The following USP6NL variants were observed in gnomAD, a reference collection of about 807,000 sequenced individuals.
USP6NL encodes USP6 N-terminal-like protein.
A neutral mutation model predicts 61.9 loss-of-function variants in USP6NL; 26 were observed. The ratio of observed to expected loss-of-function variants is 0.42; its 90% CI spans 0.31 to 0.58. USP6NL has a LOEUF of 0.58. Ranked by LOEUF, USP6NL falls within the 20% of genes least tolerant of loss-of-function variation. The probability of loss-of-function intolerance (pLI) is 0.16; values close to 1 mark genes in which losing one functional copy is unlikely to be tolerated. For missense variants in USP6NL, 1,114 were observed against 1,034.3 expected, an observed-to-expected ratio of 1.08 and a Z score of -1.06; for synonymous variants, 432 against 390.1, an observed-to-expected ratio of 1.11 and a Z score of -1.27.
Position 11,518,962 on chromosome 10 carries a change from C to T in USP6NL, c.156-388G>A, listed in dbSNP as rs907807310. The stretch of plus-strand genomic sequence containing the variant: ...ATTTCCATCACTGCAGAAAGGTCCA[C>T]TGGACAGCACTGCTCCAGACTAGGA... On this transcript the variant is annotated intron_variant, in intron 4 of 14. Coordinates refer to ENST00000609104, the MANE Select transcript of USP6NL (RefSeq NM_014688.5). This position sits in a 1 kb window ranked among gnomAD's most constrained non-coding sequence, Gnocchi z 5.3. Among the ~76,000 whole-genome samples the T allele has an allele frequency of 6.6e-6, 1 of 152,234 alleles. No homozygotes were observed. The highest frequency in any genetic ancestry group is 2.4e-5 in the African/African-American group (1 of 41,462).
chr10:11,503,309 A>G (rs1283611186), intron 6 of USP6NL, among the ~76,000 whole-genome samples: 1 of 152,192 alleles, frequency 6.6e-6, no homozygotes, highest in African/African-American at 2.4e-5. Flanking sequence ...CTTAAGCTAT[A>G]TTACTTGAAA....
chr10:11,467,533 G>T (rs761133869), intron 14 of USP6NL, among the ~76,000 whole-genome samples: 1 of 152,162 alleles, frequency 6.6e-6, no homozygotes, highest in African/African-American at 2.4e-5. Context: ...CAGCATAGAG[G>T]ATTTGTGAAA....
chr10:11,496,312 G>T lies in USP6NL; in HGVS notation c.385-3084C>A, dbSNP rs1833922187. On this transcript the variant is annotated intron_variant, in intron 7 of 14. Coordinates refer to ENST00000609104, the MANE Select transcript of USP6NL (RefSeq NM_014688.5). This position sits in a 1 kb window ranked among gnomAD's most constrained non-coding sequence, Gnocchi z 5.4. Reference sequence around the variant, plus strand: ...TCCACTTCCAGAGGTTCCTGCAGTTGGCAATTACCAAGCCTTACGGAGATT... The same window carrying T: ...TCCACTTCCAGAGGTTCCTGCAGTTTGCAATTACCAAGCCTTACGGAGATT... 6.6e-6 allele frequency among the ~76,000 whole-genome samples: 1 copy of T among 152,192 alleles called. No individual in the cohort carries two copies. The highest frequency in any genetic ancestry group is 2.1e-4 in the South Asian group (1 of 4,830).
At chr10:11,486,292 AATAT>A (rs1173925451) in intron 10 of USP6NL, among the ~76,000 whole-genome samples, 2 of 152,026 alleles carry the variant, frequency 1.3e-5, no homozygotes, top group African/African-American at 4.8e-5. Context: ...TTTTACTCTT[AATAT>A]GTTAAATAAC....
Position 11,528,153 on chromosome 10 carries a change from A to ACACC in USP6NL, c.5-587_5-586insGGTG, listed in dbSNP as rs1555168202. ...GACACACACACACACACACACACAC[A>ACACC]CACACACCCTTCATCCTTATTAACA... On this transcript the variant is annotated intron_variant, in intron 2 of 14. Transcript: ENST00000609104. This position sits in a 1 kb window ranked among gnomAD's most constrained non-coding sequence, Gnocchi z 4.6. Among the ~76,000 whole-genome samples the ACACC allele has an allele frequency of 3.6e-4, 54 of 151,984 alleles. No homozygotes were observed. Among genetic ancestry groups the ACACC allele is most frequent in the African/African-American group, 1.3e-3 (53 of 41,462 alleles).
chr10:11,480,047 C>A (rs541886516), intron 14 of USP6NL, among the ~76,000 whole-genome samples: 28 of 152,300 alleles, frequency 1.8e-4, no homozygotes, highest in African/African-American at 6.7e-4. Context: ...TCCATTCTAC[C>A]TTCACTGCCA....
In USP6NL at chr10:11,463,785, G is replaced by A. The variant is rs1832306046; in HGVS notation, c.1143C>T (p.Gly381=). Residue 381 remains glycine (G), a synonymous_variant, in exon 15 of 15, where the codon GGC becomes GGT. Transcript: ENST00000609104. This position sits in a 1 kb window ranked among gnomAD's most constrained non-coding sequence, Gnocchi z 6.3. ...TCTGTCCGTTGCTCAAGTGATGGACGCCCCAAGACTGAAGTTCAGGTGGAA... is the reference window on the plus strand; with the variant it reads ...TCTGTCCGTTGCTCAAGTGATGGACACCCCAAGACTGAAGTTCAGGTGGAA... ...GQLPPELQSW[G]VHHLSNGQRS... is the part of the protein sequence containing the mutation. The A allele has an allele frequency of 4.6e-6, 7 of 1,509,970 alleles. No individual in the cohort carries two copies. The highest frequency in any genetic ancestry group is 1.3e-5 in the South Asian group (1 of 75,320). 93.5% of individuals were successfully genotyped at this position (1,509,970 alleles called of 1,614,324 possible).
At chr10:11,555,433 A>AAAAAAAAAAAAT (rs1275798295) in intron 2 of USP6NL, among the ~76,000 whole-genome samples, 6 of 49,026 alleles carry the variant, frequency 1.2e-4, no homozygotes, top group East Asian at 9.0e-4. Context: ...AAAAAAAAAA[A>AAAAAAAAAAAAT]ATATATATAT....
intron 2 of USP6NL, among the ~76,000 whole-genome samples, chr10:11,538,195 A>C (rs1835910250): frequency 6.6e-6 from 1 of 152,208 alleles, no homozygotes; most frequent in Admixed American, 6.5e-5. Flanking sequence ...TAATTTTTAA[A>C]GTCCTAGAAA....
At position 11,611,263 on chromosome 10, in the gene USP6NL, C is replaced by T. The variant is rs1025806014; in HGVS notation, c.-84+180G>A. 2 of 151,890 alleles carry T rather than the reference C, an allele frequency of 1.3e-5. No individual in the cohort carries two copies. The highest frequency in any genetic ancestry group is 4.8e-5 in the African/African-American group (2 of 41,384). 9.4% of individuals were successfully genotyped at this position (151,890 alleles called of 1,614,324 possible). ...CGGGGACACACAGGCAGCCCCCGCA[C>T]TGTGCCCGAGCCGCCCCCCAGGGCC... On this transcript the variant is annotated intron_variant, in intron 1 of 14. Coordinates refer to ENST00000609104, the MANE Select transcript of USP6NL (RefSeq NM_014688.5). This position sits in a 1 kb window ranked among gnomAD's most constrained non-coding sequence, Gnocchi z 5.3.
intron 2 of USP6NL, among the ~76,000 whole-genome samples, chr10:11,531,822 TACTC>T (rs1355708918): frequency 1.3e-5 from 2 of 152,150 alleles, no homozygotes; most frequent in Non-Finnish European, 2.9e-5. Context: ...GTGTAGGAAA[TACTC>T]AAGTATACAG....
chr10:11,607,669 G>A (rs1838753143), intron 1 of USP6NL, among the ~76,000 whole-genome samples: 1 of 152,158 alleles, frequency 6.6e-6, no homozygotes, highest in Non-Finnish European at 1.5e-5. Flanking sequence ...CTGGGTGACA[G>A]GGTGAGACCC....
intron 2 of USP6NL, chr10:11,563,829 C>G (rs774743044): frequency 8.5e-5 from 13 of 152,180 alleles, no homozygotes; most frequent in Non-Finnish European, 1.8e-4. Flanking sequence ...CGACTCTACA[C>G]AGACGACTCC....
At chr10:11,536,108 G>A (rs951057198) in intron 2 of USP6NL, among the ~76,000 whole-genome samples, 5 of 152,130 alleles carry the variant, frequency 3.3e-5, no homozygotes, top group Non-Finnish European at 5.9e-5. Context: ...TGGTCACTCT[G>A]GTCAAGATGA....
intron 2 of USP6NL, chr10:11,573,872 C>T (rs1837447495): frequency 2.6e-6 from 1 of 384,662 alleles, no homozygotes; most frequent in Admixed American, 4.5e-5. Flanking sequence ...TAGGCTGTAT[C>T]TTCTTGAAAT....
intron 1 of USP6NL, among the ~76,000 whole-genome samples, chr10:11,606,571 T>C (rs889075389): frequency 1.3e-5 from 2 of 152,224 alleles, no homozygotes; most frequent in African/African-American, 4.8e-5. Flanking sequence ...CTTGCATTAT[T>C]TACTGCATTA....
chr10:11,477,271 A>G (rs1833007881), intron 14 of USP6NL, among the ~76,000 whole-genome samples: 1 of 152,242 alleles, frequency 6.6e-6, no homozygotes, highest in African/African-American at 2.4e-5. Context: ...AATAAAGACT[A>G]AATTCTGGAT....
At chr10:11,573,369 C>A in intron 2 of USP6NL, 1 of 343,786 alleles carries the variant, frequency 2.9e-6, no homozygotes, top group East Asian at 4.4e-5. Context: ...ATGCAATAAC[C>A]TCCCCTTACT....
intron 2 of USP6NL, among the ~76,000 whole-genome samples, chr10:11,580,697 A>C (rs1010710147): frequency 2.0e-5 from 3 of 152,222 alleles, no homozygotes; most frequent in Non-Finnish European, 4.4e-5. Context: ...AGCTCCCCTA[A>C]ATGATCCTAA....
Sources: gnomAD v4.1 joint callset for allele counts (sites outside exome capture counted in the v4.1 genomes callset) on GRCh38, gnomAD v4.1.1 for gene constraint, Gnocchi (gnomAD v3.1) non-coding constraint, MANE v1.5 for transcripts, NCBI Gene and HGNC (gene_info 2026-07-23, HGNC 2026-07-21) for gene names.